EEFSEC: variants seen among roughly 807,000 people sequenced by gnomAD.
EEFSEC encodes the protein selenocysteine-specific elongation factor.
Under a neutral mutation model 42.1 loss-of-function variants are expected in EEFSEC, and 43 were observed. The observed-to-expected ratio is 1.02, with a 90% confidence interval of 0.80 to 1.32. The LOEUF (loss-of-function observed/expected upper bound fraction) is 1.32, where lower values mean the gene tolerates loss of function less well. EEFSEC is among the 40% of genes most tolerant of loss of function. The probability of loss-of-function intolerance (pLI) is 0.00; values close to 1 mark genes in which losing one functional copy is unlikely to be tolerated. For synonymous variants in EEFSEC, 354 were observed against 339.1 expected, an observed-to-expected ratio of 1.04 and a Z score of -0.48; for missense variants, 745 against 803.6, an observed-to-expected ratio of 0.93 and a Z score of 0.88.
chr3:128,227,351 A>G (rs1167123822), intron 1 of EEFSEC, among the ~76,000 whole-genome samples: 1 of 150,410 alleles, frequency 6.6e-6, no homozygotes, highest in Non-Finnish European at 1.5e-5. Flanking sequence ...CTGCTCTCCC[A>G]GTAAACAATT....
At chr3:128,225,570 G>A (rs775612144) in intron 1 of EEFSEC, among the ~76,000 whole-genome samples, 3 of 152,246 alleles carry the variant, frequency 2.0e-5, no homozygotes, top group Non-Finnish European at 4.4e-5. Context: ...GAATGCAGAT[G>A]TAAGCATCCC....
intron 6 of EEFSEC, among the ~76,000 whole-genome samples, chr3:128,389,161 A>G (rs1350817144): frequency 6.6e-6 from 1 of 152,246 alleles, no homozygotes; most frequent in Non-Finnish European, 1.5e-5. Flanking sequence ...GAGGTGCTGC[A>G]GCGAGGCATC....
intron 1 of EEFSEC, among the ~76,000 whole-genome samples, chr3:128,178,869 C>G (rs1439857972): frequency 6.6e-6 from 1 of 152,144 alleles, no homozygotes. Context: ...ATTGTTGTTA[C>G]TGCTATTGAA....
rs1020191893 is a variant in EEFSEC, at chr3:128,291,875, A to G, written c.786+27094A>G. ...TACCTTGTTGCTGATGTTAGGGGCA[A>G]AATGTTTATACTATTTCACTATTAA... On this transcript the variant is annotated intron_variant, in intron 4 of 6. Coordinates refer to ENST00000254730, the MANE Select transcript of EEFSEC (RefSeq NM_021937.5). 3.2e-4 allele frequency among the ~76,000 whole-genome samples: 48 copies of G among 152,156 alleles called. 1 individual carries two copies. The highest frequency in any genetic ancestry group is 1.1e-3 in the African/African-American group (47 of 41,426).
At chr3:128,316,739 C>T (rs897186622) in intron 4 of EEFSEC, among the ~76,000 whole-genome samples, 2 of 152,176 alleles carry the variant, frequency 1.3e-5, no homozygotes, top group African/African-American at 4.8e-5. Context: ...CCGCCCAGCT[C>T]GGTGCCGCCA....
chr3:128,360,552 T>C (rs2067512322), intron 6 of EEFSEC, among the ~76,000 whole-genome samples: 1 of 152,180 alleles, frequency 6.6e-6, no homozygotes, highest in Non-Finnish European at 1.5e-5. Context: ...GCTCCCTTCC[T>C]GTAGCCCAAG....
intron 1 of EEFSEC, among the ~76,000 whole-genome samples, chr3:128,155,030 A>G (rs1269588921): frequency 6.6e-6 from 1 of 152,204 alleles, no homozygotes; most frequent in Non-Finnish European, 1.5e-5. Flanking sequence ...CACAAATAAG[A>G]CAAACATTCC....
chr3:128,158,117 G>GA (rs1944411103), intron 1 of EEFSEC, among the ~76,000 whole-genome samples: 2 of 152,224 alleles, frequency 1.3e-5, no homozygotes, highest in South Asian at 4.1e-4. Flanking sequence ...AGATGTGGTA[G>GA]AAATAGCAAG....
the EEFSEC span, among the ~76,000 whole-genome samples, chr3:128,421,331 C>A: frequency 6.6e-6 from 1 of 152,186 alleles, no homozygotes; most frequent in African/African-American, 2.4e-5. Flanking sequence ...GGTATCCCAG[C>A]GTGAACGAGG....
intron 1 of EEFSEC, among the ~76,000 whole-genome samples, chr3:128,176,971 G>T (rs1277281507): frequency 6.8e-6 from 1 of 146,590 alleles, no homozygotes; most frequent in East Asian, 2.0e-4. Context: ...TAGTTTAAAT[G>T]AACATACTGG....
intron 2 of EEFSEC, among the ~76,000 whole-genome samples, chr3:128,259,881 GTA>G (rs1343872136): frequency 1.3e-5 from 2 of 151,620 alleles, no homozygotes; most frequent in Non-Finnish European, 2.9e-5. Context: ...ATTCTGTTGT[GTA>G]TATATACACA....
chr3:128,352,446 CG>C (rs1054444396), intron 5 of EEFSEC, among the ~76,000 whole-genome samples: 1 of 152,216 alleles, frequency 6.6e-6, no homozygotes, highest in East Asian at 1.9e-4. Context: ...CTCCCCTCCC[CG>C]CATCCAGCTG....
chr3:128,230,502 T>C (rs2065949486), intron 1 of EEFSEC, among the ~76,000 whole-genome samples: 3 of 152,162 alleles, frequency 2.0e-5, no homozygotes, highest in African/African-American at 7.2e-5. Flanking sequence ...TTTCTTTACT[T>C]TAGGACAGGC....
the EEFSEC span, among the ~76,000 whole-genome samples, chr3:128,414,457 C>T: frequency 6.6e-6 from 1 of 152,188 alleles, no homozygotes; most frequent in East Asian, 1.9e-4. Flanking sequence ...AGGCCTTCCT[C>T]AGAGGCCCAG....
chr3:128,279,147 G>A lies in EEFSEC; in HGVS notation c.786+14366G>A, dbSNP rs1369201068. Among the ~76,000 whole-genome samples the A allele has an allele frequency of 3.3e-5, 5 of 152,322 alleles. No individual in the cohort carries two copies. In the East Asian group the frequency reaches 7.7e-4, roughly 24 times the overall value. ...GCGCAGCTAATGTGAACCATACGGC[G>A]GCGGCGTTGGGCAGTGGCGGCCATC... is the stretch of plus-strand genomic sequence containing the variant. On this transcript the variant is annotated intron_variant, in intron 4 of 6. Transcript: ENST00000254730.
intron 1 of EEFSEC, 153 bp downstream of exon 1, chr3:128,153,976 C>G: frequency 1.7e-6 from 2 of 1,158,860 alleles, no homozygotes; most frequent in Non-Finnish European, 2.3e-6. Flanking sequence ...CGTGACTTGC[C>G]TAGGGCTCCG....
At chr3:128,160,801 C>G (rs189016257) in intron 1 of EEFSEC, among the ~76,000 whole-genome samples, 1 of 151,930 alleles carries the variant, frequency 6.6e-6, no homozygotes, top group South Asian at 2.1e-4. Context: ...CGCACACACA[C>G]GCGCGCACAC....
At chr3:128,305,155 A>T in intron 4 of EEFSEC, among the ~76,000 whole-genome samples, 1 of 151,878 alleles carries the variant, frequency 6.6e-6, no homozygotes, top group South Asian at 2.1e-4. Context: ...TTTTGGAAAA[A>T]TCTTCATGGC....
At chr3:128,255,292 G>T (rs2066230189) in intron 2 of EEFSEC, among the ~76,000 whole-genome samples, 1 of 152,180 alleles carries the variant, frequency 6.6e-6, no homozygotes, top group South Asian at 2.1e-4. Context: ...AAGGGCCATG[G>T]AAATAAAGGT....
Sources: gnomAD v4.1 joint callset for allele counts (sites outside exome capture counted in the v4.1 genomes callset) on GRCh38, gnomAD v4.1.1 for gene constraint, MANE v1.5 for transcripts, NCBI Gene and HGNC (gene_info 2026-07-23, HGNC 2026-07-21) for gene names.